The following ADGRB1 variants were observed in gnomAD, a reference collection of about 807,000 sequenced individuals.
The protein encoded by ADGRB1 is brain-specific angiogenesis inhibitor 1.
In ADGRB1, 36 loss-of-function variants were observed where a neutral mutation model predicts 175.7. The ratio of observed to expected loss-of-function variants is 0.20; its 90% confidence interval spans 0.16 to 0.27. The LOEUF is 0.27. Among genes scored for constraint, ADGRB1 ranks in the 10% least tolerant of loss-of-function variants. ADGRB1 has a pLI of 1.00. For synonymous variants in ADGRB1, 1,054 were observed against 979.4 expected (o/e 1.08, Z -1.42); for missense variants, 1,731 against 2,255.3 (o/e 0.77, Z 4.71).
rs1390024912 is a variant in ADGRB1 at position 142,504,557 on chromosome 8, G to A, written c.2676-6375G>A. ...GCGGTGGGGAAGGGTCTGGCTGAGG[G>A]TCAGGAGCAATGCCCAGGAGCTCAT... On this transcript the variant is annotated intron_variant, in intron 17 of 30. Coordinates refer to ENST00000517894, the MANE Select transcript of ADGRB1 (RefSeq NM_001702.3). This position sits in a 1 kb window ranked among gnomAD's most constrained non-coding sequence, Gnocchi z 5.6. Among the ~76,000 whole-genome samples the A allele has an allele frequency of 6.6e-6, 1 of 152,136 alleles. No homozygotes were observed. The highest frequency in any genetic ancestry group is 2.4e-5 in the African/African-American group (1 of 41,426).
intron 19 of ADGRB1, among the ~76,000 whole-genome samples, chr8:142,520,016 GTGA>G (rs1303596328): frequency 9.9e-5 from 15 of 151,162 alleles, no homozygotes; most frequent in East Asian, 3.9e-4. Context: ...GGTGATGGTG[GTGA>G]TGGTGGTGGT....
rs1469954895 is a variant in ADGRB1, at chr8:142,493,224, G to A, written c.2675+2409G>A. The stretch of plus-strand genomic sequence containing the variant: ...TGTGAGGGGCCTGTCCAGTGAGCCG[G>A]GACAAGGACACTGCCCCAGGGACCC... On this transcript the variant is annotated intron_variant, in intron 17 of 30. Transcript: ENST00000517894. This position sits in a 1 kb window ranked among gnomAD's most constrained non-coding sequence, Gnocchi z 5.0. Among the ~76,000 whole-genome samples the A allele has an allele frequency of 6.6e-6, 1 of 152,002 alleles. No homozygotes were observed. Among genetic ancestry groups the A allele is most frequent in the Non-Finnish European group, 1.5e-5 (1 of 67,978 alleles).
At chr8:142,515,479 C>A (rs977121027) in intron 18 of ADGRB1, among the ~76,000 whole-genome samples, 5 of 151,210 alleles carry the variant, frequency 3.3e-5, no homozygotes, top group African/African-American at 1.2e-4. Flanking sequence ...GGCTGCCAGG[C>A]CTAACGAGGG....
rs551634099 is a variant in ADGRB1 at position 142,463,053 on chromosome 8, G to A, written c.-219-927G>A. 5.3e-5 allele frequency among the ~76,000 whole-genome samples: 8 copies of A among 152,316 alleles called. No individual in the cohort carries two copies. The East Asian group carries it at 7.7e-4, about 15-fold the overall frequency. On this transcript the variant is annotated intron_variant, in intron 1 of 30. Transcript: ENST00000517894. ...CCTGGGGCTCACGTATGGGTTCTCC[G>A]ACCCACTCACTGTGACGGGTAAATT...
At chr8:142,481,829 T>C (rs1007494896) in intron 11 of ADGRB1, 118 bp downstream of exon 11, 8 of 890,972 alleles carry the variant, frequency 9.0e-6, no homozygotes, top group South Asian at 1.9e-5. Context: ...ACCCATGTCA[T>C]AGGTTGAACT....
intron 2 of ADGRB1, among the ~76,000 whole-genome samples, chr8:142,472,307 G>C (rs941517887): frequency 1.3e-5 from 2 of 152,214 alleles, no homozygotes; most frequent in Non-Finnish European, 2.9e-5. Context: ...TGGGTGGCCA[G>C]GCTGCCTGGG....
At chr8:142,477,633 C>G in intron 6 of ADGRB1, 84 bp downstream of exon 6, 2 of 1,490,032 alleles carry the variant, frequency 1.3e-6, no homozygotes, top group South Asian at 2.6e-5. Context: ...CCCAGGAGCC[C>G]AGCTTTGCCC....
intron 2 of ADGRB1, among the ~76,000 whole-genome samples, chr8:142,473,039 C>G (rs1004312992): frequency 6.6e-6 from 1 of 152,102 alleles, no homozygotes; most frequent in African/African-American, 2.4e-5. Context: ...CACATCCTCA[C>G]CACCTGGGTC....
chr8:142,481,212 C>T, intron 9 of ADGRB1, 42 bp from the exon 10 acceptor site: 1 of 1,582,664 alleles, frequency 6.3e-7, no homozygotes, highest in Non-Finnish European at 8.7e-7. Context: ...ATTCCTGGGC[C>T]AGGCAGCGGG....
Position 142,464,873 on chromosome 8 carries a change from G to C in ADGRB1, c.675G>C (p.Ala225=). The change falls in exon 2 of 31, where the codon GCG becomes GCC. Residue 225 remains alanine, a synonymous_variant. Transcript: ENST00000517894. The part of the protein sequence containing the change: ...CLGGEAGGPA[A]GPLAPRGDVC... The stretch of plus-strand genomic sequence containing the variant: ...GCGGCGAGGCGGGCGGCCCTGCCGC[G>C]GGACCCCTGGCCCCCCGCGGGGATG... 1 of 1,521,238 alleles carries C rather than the reference G, an allele frequency of 6.6e-7. No individual in the cohort carries two copies. Among genetic ancestry groups the C allele is most frequent in the Non-Finnish European group, 8.8e-7 (1 of 1,140,280 alleles). 94.2% of individuals were successfully genotyped at this position (1,521,238 alleles called of 1,614,324 possible). A position where few individuals can be genotyped will look rare whatever the true frequency, so the allele number is the denominator to read the frequency against.
intron 24 of ADGRB1, among the ~76,000 whole-genome samples, chr8:142,529,253 A>G (rs1469736445): frequency 4.0e-5 from 6 of 151,756 alleles, no homozygotes; most frequent in Non-Finnish European, 8.8e-5. Context: ...TATGCATGTC[A>G]CCAGGTATGT....
Position 142,510,971 on chromosome 8 carries a change from G to C in ADGRB1, c.2715G>C (p.Ser905=), listed in dbSNP as rs1390231777. The change falls in exon 18 of 31, where the codon TCG becomes TCC. Residue 905 remains serine, a synonymous_variant. Coordinates refer to ENST00000517894, the MANE Select transcript of ADGRB1 (RefSeq NM_001702.3). This position sits in a 1 kb window ranked among gnomAD's most constrained non-coding sequence, Gnocchi z 6.3. ...CCCCCCCGCAGCTCGGGCCCTGGTC[G>C]TGGCGCGGCTGCCGCACGGTGCCCC... ...SSAPPQLGPW[S]WRGCRTVPLD... 5 of 1,317,778 alleles carry C rather than the reference G, an allele frequency of 3.8e-6. 1 individual carries two copies. In the South Asian group the frequency reaches 5.6e-5, roughly 15 times the overall value. 81.6% of individuals were successfully genotyped at this position (1,317,778 alleles called of 1,614,324 possible).
At chr8:142,460,115 C>T (rs550522086) in intron 1 of ADGRB1, among the ~76,000 whole-genome samples, 3 of 152,282 alleles carry the variant, frequency 2.0e-5, no homozygotes, top group Non-Finnish European at 4.4e-5. Flanking sequence ...CCCTGGTCAC[C>T]CCCGGCCTTG....
chr8:142,469,557 G>GTGAA (rs1840512493), intron 2 of ADGRB1, among the ~76,000 whole-genome samples: 4 of 150,754 alleles, frequency 2.7e-5, no homozygotes, highest in African/African-American at 9.8e-5. Context: ...ACGTGCATGT[G>GTGAA]TGTGAATGTG....
intron 17 of ADGRB1, among the ~76,000 whole-genome samples, chr8:142,497,038 C>T (rs559926470): frequency 1.3e-5 from 2 of 152,358 alleles, no homozygotes; most frequent in African/African-American, 4.8e-5. Context: ...TCCTGAAGCT[C>T]AGCCTCAGGC....
intron 1 of ADGRB1, among the ~76,000 whole-genome samples, chr8:142,451,389 T>C (rs1839341096): frequency 6.6e-6 from 1 of 152,162 alleles, no homozygotes; most frequent in African/African-American, 2.4e-5. Context: ...GCGCCTAGGC[T>C]GGGACCCGAA....
intron 23 of ADGRB1, among the ~76,000 whole-genome samples, chr8:142,524,861 G>T (rs1056268253): frequency 6.6e-6 from 1 of 152,106 alleles, no homozygotes; most frequent in African/African-American, 2.4e-5. Context: ...TGGGGTCACA[G>T]ATGAGCTGCG....
In ADGRB1 at chr8:142,474,977, A is replaced by G. The variant is rs1476872838; in HGVS notation, c.785-497A>G. On this transcript the variant is annotated intron_variant, in intron 2 of 30. Coordinates refer to ENST00000517894, the MANE Select transcript of ADGRB1 (RefSeq NM_001702.3). This position sits in a 1 kb window ranked among gnomAD's most constrained non-coding sequence, Gnocchi z 5.8. The stretch of plus-strand genomic sequence containing the variant: ...GGGTGAAGAAGCGGCTCCAGGTCAC[A>G]GCTGGGGTGTGAAATGTGGAGCCCT... 6.6e-6 allele frequency among the ~76,000 whole-genome samples: 1 copy of G among 152,128 alleles called. No homozygotes were observed. Among genetic ancestry groups the G allele is most frequent in the Non-Finnish European group, 1.5e-5 (1 of 68,000 alleles).
At chr8:142,452,106 C>G (rs1839386829) in intron 1 of ADGRB1, among the ~76,000 whole-genome samples, 1 of 152,218 alleles carries the variant, frequency 6.6e-6, no homozygotes, top group Non-Finnish European at 1.5e-5. Context: ...ACGTTGCGCG[C>G]GTTCGGGGAT....
Sources: allele counts gnomAD v4.1 joint callset (sites outside exome capture counted in the v4.1 genomes callset), GRCh38; gene constraint gnomAD v4.1.1; non-coding constraint Gnocchi (gnomAD v3.1); transcripts MANE v1.5; gene names NCBI Gene and HGNC (gene_info 2026-07-23, HGNC 2026-07-21).